Variants in SEMA3A observed in about 807,000 individuals in gnomAD.
SEMA3A encodes the protein semaphorin 3A.
Under a neutral mutation model 97.9 loss-of-function variants are expected in SEMA3A, and 29 were observed. The ratio of observed to expected loss-of-function variants is 0.30; its 90% CI spans 0.22 to 0.40. SEMA3A has a LOEUF of 0.40. Ranked by LOEUF, SEMA3A falls within the 10% of genes least tolerant of loss-of-function variation. SEMA3A has a pLI of 1.00. For synonymous variants in SEMA3A, 321 were observed against 323.7 expected (o/e 0.99, Z 0.09); for missense variants, 763 against 951.3 (o/e 0.80, Z 2.60).
chr7:84,230,518 A>G (rs1799094147), intron 3 of SEMA3A, among the ~76,000 whole-genome samples: 1 of 151,978 alleles, frequency 6.6e-6, no homozygotes, highest in African/African-American at 2.4e-5. Flanking sequence ...ACTTTCTCCT[A>G]TGCACATAAC....
At chr7:84,359,432 G>T (rs1447182752) in intron 2 of SEMA3A, among the ~76,000 whole-genome samples, 13 of 152,040 alleles carry the variant, frequency 8.6e-5, no homozygotes, top group African/African-American at 2.4e-4. Flanking sequence ...TTTATATGCT[G>T]GATTATGTTT....
At chr7:84,290,617 A>G (rs1800716966) in intron 3 of SEMA3A, among the ~76,000 whole-genome samples, 1 of 152,046 alleles carries the variant, frequency 6.6e-6, no homozygotes, top group African/African-American at 2.4e-5. Context: ...AAGTCCTCTC[A>G]CCAGAATAGC....
intron 6 of SEMA3A, among the ~76,000 whole-genome samples, chr7:84,025,903 G>A (rs1014949340): frequency 2.0e-5 from 3 of 152,166 alleles, no homozygotes; most frequent in African/African-American, 7.2e-5. Flanking sequence ...AAGCTACATG[G>A]AGTGTTTGCA....
chr7:84,263,980 T>C (rs986349109), intron 3 of SEMA3A, among the ~76,000 whole-genome samples: 2 of 152,230 alleles, frequency 1.3e-5, no homozygotes, highest in Non-Finnish European at 2.9e-5. Flanking sequence ...ATATAACATA[T>C]ACTAACTTAT....
chr7:84,407,559 G>T (rs1366707083), intron 1 of SEMA3A, among the ~76,000 whole-genome samples: 1 of 151,034 alleles, frequency 6.6e-6, no homozygotes, highest in Non-Finnish European at 1.5e-5. Flanking sequence ...AGTTCATATG[G>T]AACCAAAAAA....
At chr7:84,342,216 G>A (rs1387997848) in intron 2 of SEMA3A, among the ~76,000 whole-genome samples, 2 of 152,080 alleles carry the variant, frequency 1.3e-5, no homozygotes, top group Admixed American at 6.5e-5. Context: ...GGTATTTTTA[G>A]TAGAGATGGG....
chr7:84,016,335 C>T (rs932097125), intron 6 of SEMA3A, among the ~76,000 whole-genome samples: 1 of 151,878 alleles, frequency 6.6e-6, no homozygotes, highest in Non-Finnish European at 1.5e-5. Flanking sequence ...GTCAGGAGAT[C>T]GAGACCATCC....
intron 4 of SEMA3A, among the ~76,000 whole-genome samples, chr7:84,091,371 A>G (rs1373722763): frequency 3.3e-5 from 5 of 151,170 alleles, no homozygotes; most frequent in Admixed American, 6.6e-5. Flanking sequence ...GAAGAAAGGA[A>G]GGAAGGAAGG....
intron 2 of SEMA3A, among the ~76,000 whole-genome samples, chr7:84,368,767 T>A (rs1802909091): frequency 6.6e-6 from 1 of 150,990 alleles, no homozygotes; most frequent in Non-Finnish European, 1.5e-5. Flanking sequence ...CAAGTGTGTA[T>A]GTATACAGAT....
intron 12 of SEMA3A, among the ~76,000 whole-genome samples, chr7:83,993,408 T>C (rs1442676324): frequency 4.6e-5 from 7 of 151,816 alleles, no homozygotes; most frequent in Non-Finnish European, 1.0e-4. Flanking sequence ...TTCTTCCTAG[T>C]CTTGATGGTG....
rs113747987 is a variant in SEMA3A, at chr7:84,315,136, T to A, written c.-168-7844A>T. On this transcript the variant is annotated intron_variant, in intron 2 of 3. Transcript: ENST00000424555. ...CTTACCAATATCAAACTCCAAAAGA[T>A]TAAACATTGTATCAAGTAGAAATTT... Among the ~76,000 whole-genome samples the A allele has an allele frequency of 3.3e-5, 5 of 152,076 alleles. 1 individual carries two copies. The highest frequency in any genetic ancestry group is 1.2e-4 in the African/African-American group (5 of 41,462).
Position 84,188,422 on chromosome 7 carries a change from T to C in SEMA3A, c.112+6053A>G, listed in dbSNP as rs532239979. ...CTGGAGACATTCATACTTATTTGTG[T>C]CAGATAGAATTTATTGATTCTTCTA... On this transcript the variant is annotated intron_variant, in intron 1 of 16. Transcript: ENST00000265362. Among the ~76,000 whole-genome samples, 4 of 152,136 alleles carry C rather than the reference T, an allele frequency of 2.6e-5. No individual in the cohort carries two copies. In the South Asian group the frequency reaches 8.3e-4, roughly 31 times the overall value.
chr7:84,492,069 C>A (rs1055068896), intron 1 of SEMA3A, among the ~76,000 whole-genome samples: 1 of 152,074 alleles, frequency 6.6e-6, no homozygotes, highest in East Asian at 1.9e-4. Context: ...AAAGTGAAAT[C>A]CATTTTCAAG....
rs1796227484 is a variant in SEMA3A, at chr7:84,139,187, A to T, written c.113-4236T>A. Among the ~76,000 whole-genome samples, 3 of 152,100 alleles carry T rather than the reference A, an allele frequency of 2.0e-5. 1 individual carries two copies. In the South Asian group the frequency reaches 6.2e-4, roughly 31 times the overall value. On this transcript the variant is annotated intron_variant, in intron 1 of 16. Transcript: ENST00000265362. ...ACCTTCTTACATCTTGCCTATGCTC[A>T]TATTCAGTTAAACAACAATTGTTGT...
upstream of SEMA3A, among the ~76,000 whole-genome samples, chr7:84,195,788 G>T (rs893975231): frequency 2.0e-5 from 3 of 152,266 alleles, no homozygotes; most frequent in Middle Eastern, 3.4e-3. Flanking sequence ...GGTTTAAAGG[G>T]CAGCGGAAGA....
intron 2 of SEMA3A, among the ~76,000 whole-genome samples, chr7:84,321,897 A>AAG (rs1801657544): frequency 1.2e-5 from 1 of 84,318 alleles, no homozygotes; most frequent in Non-Finnish European, 2.2e-5. Context: ...AAAAAAAAAA[A>AAG]AAGAAGAAGA....
At chr7:84,007,254 C>T (rs2116401745) in intron 10 of SEMA3A, 99 bp downstream of exon 10, 1 of 914,196 alleles carries the variant, frequency 1.1e-6, no homozygotes, top group Non-Finnish European at 1.5e-6. Context: ...CTTTTTTCTA[C>T]ATTACAGGAT....
chr7:84,207,053 G>A (rs1357947343), intron 3 of SEMA3A, among the ~76,000 whole-genome samples: 2 of 152,162 alleles, frequency 1.3e-5, no homozygotes, highest in African/African-American at 2.4e-5. Flanking sequence ...ACATACAGGT[G>A]TTTGGGCATG....
intron 14 of SEMA3A, 84 bp downstream of exon 14, chr7:83,981,237 A>G (rs1584501856): frequency 6.9e-7 from 1 of 1,455,550 alleles, no homozygotes; most frequent in Non-Finnish European, 9.5e-7. Flanking sequence ...AAGTTGATGC[A>G]CTTATTTGAA....
Sources: gnomAD v4.1 joint callset for allele counts (sites outside exome capture counted in the v4.1 genomes callset) on GRCh38, gnomAD v4.1.1 for gene constraint, MANE v1.5 for transcripts, NCBI Gene and HGNC (gene_info 2026-07-23, HGNC 2026-07-21) for gene names.